Variants in ADGRE1 observed in about 807,000 individuals in gnomAD.
ADGRE1 encodes adhesion G protein-coupled receptor E1, also known as EGF-like module receptor 1.
A neutral mutation model predicts 102.7 loss-of-function variants in ADGRE1; 82 were observed. The observed-to-expected ratio is 0.80, with a 90% confidence interval of 0.67 to 0.96. ADGRE1 has a LOEUF of 0.96. ADGRE1 is among the 40% of genes least tolerant of loss of function. ADGRE1 has a pLI of 0.00. For synonymous variants in ADGRE1, 398 were observed against 399.6 expected (o/e 1.00, Z 0.05); for missense variants, 1,032 against 1,085.3 (o/e 0.95, Z 0.69).
rs938244683 is a variant in ADGRE1 at position 6,913,691 on chromosome 19, A to T, written c.1161A>T (p.Ile387=). The change falls in exon 11 of 21, where the codon ATA becomes ATT. Residue 387 remains isoleucine, a synonymous_variant. Transcript: ENST00000312053. ...GCTTTGTCCCTGTGCTTAAACAAAT[A>T]TCCACGTGGACTAAATTCACCAAGG... ...TESFVPVLKQ[I]STWTKFTKEE... 1.1e-5 allele frequency: 17 copies of T among 1,611,930 alleles called. No homozygotes were observed. Among genetic ancestry groups the T allele is most frequent in the Non-Finnish European group, 1.4e-5 (16 of 1,178,810 alleles).
At chr19:6,913,211 C>A (rs1974261459) in intron 10 of ADGRE1, among the ~76,000 whole-genome samples, 1 of 152,056 alleles carries the variant, frequency 6.6e-6, no homozygotes, top group African/African-American at 2.4e-5. Flanking sequence ...CAGCCTCTCT[C>A]ACTGTCGCCC....
chr19:6,907,243 A>T (rs898244060), intron 9 of ADGRE1, among the ~76,000 whole-genome samples: 6 of 152,194 alleles, frequency 3.9e-5, no homozygotes, highest in African/African-American at 1.4e-4. Flanking sequence ...TACACATAAC[A>T]TAAAATTCAC....
At position 6,937,567 on chromosome 19, in the gene ADGRE1, G is replaced by T; in HGVS notation, c.2574G>T (p.Trp858Cys). Residue 858 changes from tryptophan to cysteine, a missense_variant, in exon 20 of 21, where the codon TGG becomes TGT. Trp to Cys is a radical substitution (Grantham distance 215). Coordinates refer to ENST00000312053, the MANE Select transcript of ADGRE1 (RefSeq NM_001974.5). Reference protein sequence around the residue: ...NGQVREEYKRWITGKTKPSSQ... With the variant: ...NGQVREEYKRCITGKTKPSSQ... ...AGGTACGAGAAGAATACAAGAGGTG[G>T]ATCACTGGGAAGACGAAGCCCAGCT... 1 of 1,613,996 alleles carries T rather than the reference G, an allele frequency of 6.2e-7. No individual in the cohort carries two copies. Among genetic ancestry groups the T allele is most frequent in the African/African-American group, 1.3e-5 (1 of 74,970 alleles).
rs1400580662 is a variant in ADGRE1 at position 6,937,542 on chromosome 19, A to G, written c.2551-2A>G. On this transcript the variant is annotated splice_acceptor_variant, in intron 19 of 20. Transcript: ENST00000312053. LOFTEE classifies it high-confidence loss of function. ...ATCTGGATGATGTGTCTCCTTCTCC[A>G]GGTACGAGAAGAATACAAGAGGTGG... is the stretch of plus-strand genomic sequence containing the variant. 1.9e-6 allele frequency: 3 copies of G among 1,610,622 alleles called. No homozygotes were observed. Among genetic ancestry groups the G allele is most frequent in the Admixed American group, 1.7e-5 (1 of 59,414 alleles).
At chr19:6,930,329 C>G (rs993175094) in intron 17 of ADGRE1, among the ~76,000 whole-genome samples, 1 of 152,200 alleles carries the variant, frequency 6.6e-6, no homozygotes, top group Non-Finnish European at 1.5e-5. Context: ...CTCTTTGCCT[C>G]CCAACCTCCA....
chr19:6,906,642 A>G (rs3816548), intron 9 of ADGRE1, 121 bp downstream of exon 9: 33,113 of 779,668 alleles, frequency 0.042, 790 homozygotes, highest in African/African-American at 0.074. Context: ...ACAGCAGTTT[A>G]TTTTTCTCCT....
At chr19:6,930,032 C>T (rs997399410) in intron 17 of ADGRE1, among the ~76,000 whole-genome samples, 2 of 152,158 alleles carry the variant, frequency 1.3e-5, no homozygotes, top group Admixed American at 6.5e-5. Flanking sequence ...AAGCTTCTAG[C>T]TTGCCTTTCT....
intron 18 of ADGRE1, among the ~76,000 whole-genome samples, 170 bp downstream of exon 18, chr19:6,935,248 A>G (rs992533233): frequency 6.6e-6 from 1 of 152,072 alleles, no homozygotes; most frequent in Non-Finnish European, 1.5e-5. Flanking sequence ...CAGCTCAACT[A>G]TTTACGAGCT....
chr19:6,940,094 C>G lies in ADGRE1; in HGVS notation c.*65C>G, dbSNP rs1599780945. 4 of 1,557,426 alleles carry G rather than the reference C, an allele frequency of 2.6e-6. No homozygotes were observed. The highest frequency in any genetic ancestry group is 2.6e-6 in the Non-Finnish European group (3 of 1,132,630). ...TGAGGACAGTAGTTTCCTGCAGGAG[C>G]CTACCCTGAAATCTCTTCTCAGCTT... is the stretch of plus-strand genomic sequence containing the variant. On this transcript the variant is annotated 3_prime_UTR_variant, in exon 21 of 21. Transcript: ENST00000312053.
At chr19:6,898,966 G>A (rs1308537219) in intron 5 of ADGRE1, among the ~76,000 whole-genome samples, 1 of 152,006 alleles carries the variant, frequency 6.6e-6, no homozygotes, top group East Asian at 1.9e-4. Context: ...GTAGCATTAG[G>A]CCATTTCTGT....
At chr19:6,918,537 T>A (rs984823143) in intron 12 of ADGRE1, among the ~76,000 whole-genome samples, 1 of 152,004 alleles carries the variant, frequency 6.6e-6, no homozygotes, top group African/African-American at 2.4e-5. Flanking sequence ...ACTGTCTGGT[T>A]GGGACAGGAA....
chr19:6,887,672 G>A lies in ADGRE1; in HGVS notation c.31+33G>A, dbSNP rs772277955. 16 of 1,599,996 alleles carry A rather than the reference G, an allele frequency of 1.0e-5. No individual in the cohort carries two copies. The East Asian group carries it at 3.4e-4, about 34-fold the overall frequency. ...TGAGGCTGAATGGGGGGCTAGGGGA[G>A]GCCTGGATTGGAAATAGACTTCAGG... On this transcript the variant is annotated intron_variant, in intron 1 of 20. Transcript: ENST00000312053.
intron 8 of ADGRE1, among the ~76,000 whole-genome samples, chr19:6,905,909 A>G (rs1191042042): frequency 6.6e-6 from 1 of 152,134 alleles, no homozygotes; most frequent in Non-Finnish European, 1.5e-5. Context: ...TCCTCCTTAG[A>G]CAGCCACTTG....
chr19:6,931,660 C>A (rs528118601), intron 17 of ADGRE1, among the ~76,000 whole-genome samples: 1 of 152,138 alleles, frequency 6.6e-6, no homozygotes, highest in East Asian at 1.9e-4. Context: ...ATGAGCCAGG[C>A]GTGGTGGCAG....
intron 17 of ADGRE1, among the ~76,000 whole-genome samples, chr19:6,934,452 T>C (rs1975303498): frequency 6.9e-6 from 1 of 145,336 alleles, no homozygotes; most frequent in Non-Finnish European, 1.5e-5. Flanking sequence ...GACACAGTCT[T>C]GCTCTGTTGC....
intron 20 of ADGRE1, 77 bp from the exon 21 acceptor site, chr19:6,939,947 C>A: frequency 6.8e-7 from 1 of 1,477,336 alleles, no homozygotes. Flanking sequence ...ACTTCTGTCC[C>A]TGTAGACATG....
chr19:6,894,166 T>C (rs1973473087), intron 2 of ADGRE1, among the ~76,000 whole-genome samples: 1 of 152,194 alleles, frequency 6.6e-6, no homozygotes, highest in Non-Finnish European at 1.5e-5. Flanking sequence ...TCCTTCGCCA[T>C]GGACCATAAC....
chr19:6,906,616 T>C (rs1973967348), intron 9 of ADGRE1, 95 bp downstream of exon 9: 14 of 1,096,982 alleles, frequency 1.3e-5, no homozygotes, highest in Middle Eastern at 2.9e-4. Flanking sequence ...GCAAAAGTAA[T>C]AGTGGCCAAA....
intron 12 of ADGRE1, among the ~76,000 whole-genome samples, 165 bp downstream of exon 12, chr19:6,916,533 T>C (rs952824424): frequency 6.6e-6 from 1 of 152,118 alleles, no homozygotes; most frequent in African/African-American, 2.4e-5. Flanking sequence ...AAGTCAAACA[T>C]TAAATAACCT....
Sources: gnomAD v4.1 joint callset for allele counts (sites outside exome capture counted in the v4.1 genomes callset) on GRCh38, gnomAD v4.1.1 for gene constraint, MANE v1.5 for transcripts, NCBI Gene and HGNC (gene_info 2026-07-23, HGNC 2026-07-21) for gene names.